FN1: variants seen among roughly 807,000 people sequenced by gnomAD.
The protein encoded by FN1 is fibronectin 1.
Under a neutral mutation model 297.3 loss-of-function variants are expected in FN1, and 106 were observed. The ratio of observed to expected loss-of-function variants is 0.36; its 90% CI spans 0.30 to 0.42. The LOEUF (loss-of-function observed/expected upper bound fraction) is 0.42, where lower values mean the gene tolerates loss of function less well. Among genes scored for constraint, FN1 ranks in the 10% least tolerant of loss-of-function variants. FN1 has a pLI of 1.00. For missense variants in FN1, 2,690 were observed against 3,124.9 expected (o/e 0.86, Z 3.32); for synonymous variants, 1,149 against 1,152.6 (o/e 1.00, Z 0.06).
In FN1 at chr2:215,361,393, T is replaced by C. The variant is rs1022234241; in HGVS notation, c.*162A>G. The C allele has an allele frequency of 1.4e-6, 1 of 734,042 alleles. No individual in the cohort carries two copies. Among genetic ancestry groups the C allele is most frequent in the African/African-American group, 1.7e-5 (1 of 57,754 alleles). 45.5% of individuals were successfully genotyped at this position (734,042 alleles called of 1,614,324 possible). The stretch of plus-strand genomic sequence containing the variant: ...AACCCTCAGGAAACTCCCAGGGTGA[T>C]GCTTGGAGAAGCTGTGAGTTGAGCT... On this transcript the variant is annotated 3_prime_UTR_variant, in exon 46 of 46. Transcript: ENST00000354785.
chr2:215,424,255 C>T lies in FN1; in HGVS notation c.1107G>A (p.Arg369=), dbSNP rs764865859. 6.2e-6 allele frequency: 10 copies of T among 1,614,058 alleles called. No individual in the cohort carries two copies. The highest frequency in any genetic ancestry group is 5.3e-5 in the African/African-American group (4 of 74,916). The change falls in exon 8 of 46, where the codon AGG becomes AGA. Residue 369 remains arginine (R), a synonymous_variant. Coordinates refer to ENST00000354785, the MANE Select transcript of FN1 (RefSeq NM_212482.4). ...PCVLPFTYNG[R]TFYSCTTEGR... is the part of the protein sequence containing the mutation. ...CTTCTGTGGTGCAGGAGTAGAACGT[C>T]CTGCCATTGTAGGTGAATGGTAAGA...
chr2:215,422,146 C>G lies in FN1; in HGVS notation c.1491G>C (p.Thr497=). The change falls in exon 10 of 46, where the codon ACG becomes ACC. Residue 497 remains threonine (T), a synonymous_variant. Transcript: ENST00000354785. ...QHDMGHMMRC[T]CVGNGRGEWT... ...ATTCCCCACGACCATTCCCAACACA[C>G]GTGCACCTCATCATGTGACCCATGT... 1.2e-6 allele frequency: 2 copies of G among 1,614,180 alleles called. No homozygotes were observed. Among genetic ancestry groups the G allele is most frequent in the Middle Eastern group, 1.6e-4 (1 of 6,062 alleles).
intron 23 of FN1, 28 bp from the exon 24 acceptor site, chr2:215,394,747 T>C (rs2060104409): frequency 1.9e-6 from 3 of 1,560,248 alleles, no homozygotes; most frequent in South Asian, 1.1e-5. Flanking sequence ...GGGAAGTTAT[T>C]GCACAGAGGA....
At chr2:215,378,039 C>G (rs536099797) in intron 35 of FN1, 136 bp downstream of exon 35, 1 of 696,828 alleles carries the variant, frequency 1.4e-6, no homozygotes, top group African/African-American at 1.7e-5. Context: ...AACTCCTGGC[C>G]TCAAGTGACG....
intron 11 of FN1, 142 bp downstream of exon 11, chr2:215,420,531 A>G: frequency 9.7e-7 from 1 of 1,025,884 alleles, no homozygotes; most frequent in Non-Finnish European, 1.5e-6. Flanking sequence ...TATTAGAGAG[A>G]AGACTTTGCA....
intron 44 of FN1, 68 bp downstream of exon 44, chr2:215,364,811 C>T: frequency 9.6e-7 from 1 of 1,041,854 alleles, no homozygotes. Context: ...GTGTGTACGA[C>T]ACATCCTTGC....
chr2:215,423,637 G>C (rs1183647897), intron 8 of FN1, 111 bp from the exon 9 acceptor site: 1 of 922,530 alleles, frequency 1.1e-6, no homozygotes, highest in Non-Finnish European at 1.7e-6. Context: ...TTCACAGACA[G>C]TCTATCTCAG....
At chr2:215,396,940 C>T (rs2060368373) in intron 23 of FN1, among the ~76,000 whole-genome samples, 197 bp downstream of exon 23, 1 of 152,172 alleles carries the variant, frequency 6.6e-6, no homozygotes, top group Non-Finnish European at 1.5e-5. Context: ...GTTCTGCTTC[C>T]TGTGATTGAA....
intron 10 of FN1, chr2:215,421,312 A>G (rs1171617912): frequency 4.7e-6 from 1 of 212,836 alleles, no homozygotes; most frequent in Non-Finnish European, 9.4e-6. Flanking sequence ...AATTAGGCCA[A>G]CTCTGTTGCT....
chr2:215,435,390 TAGA>T (rs139642338), intron 1 of FN1, among the ~76,000 whole-genome samples: 240 of 152,338 alleles, frequency 1.6e-3, no homozygotes, highest in African/African-American at 5.2e-3. Flanking sequence ...GGTTAATTCC[TAGA>T]AGGACAATCT....
Position 215,379,164 on chromosome 2 carries a change from G to A in FN1, c.5588C>T (p.Pro1863Leu). 1 of 1,614,086 alleles carries A rather than the reference G, an allele frequency of 6.2e-7. No homozygotes were observed. The highest frequency in any genetic ancestry group is 8.5e-7 in the Non-Finnish European group (1 of 1,180,000). ...TGATACAACCACGGATGAGCTGTCA[G>A]GAGCAAGGTTGATTTCTTTCATTGG... Reference protein sequence around the residue: ...TGPMKEINLAPDSSSVVVSGL... With the variant: ...TGPMKEINLALDSSSVVVSGL... Residue 1863 changes from proline to leucine, a missense_variant, in exon 34 of 46, where the codon CCT (proline) becomes CTT (leucine). Physicochemically the swap from Pro to Leu is moderately conservative, Grantham distance 98. Coordinates refer to ENST00000354785, the MANE Select transcript of FN1 (RefSeq NM_212482.4).
In FN1 at chr2:215,383,984, TAA is replaced by T. The variant is rs35639338; in HGVS notation, c.4894+34_4894+35del. On this transcript the variant is annotated intron_variant, in intron 30 of 45. Coordinates refer to ENST00000354785, the MANE Select transcript of FN1 (RefSeq NM_212482.4). ...CATTGCAAAACAGTATCTGAATAAG[TAA>T]AAGCTGGTGTCACCCCAGAGTAGAA... 421,456 of 1,606,856 alleles carry T rather than the reference TAA, an allele frequency of 0.26. 64,027 individuals carry two copies. The highest frequency in any genetic ancestry group is 0.8 in the East Asian group (36,013 of 44,798).
intron 36 of FN1, 121 bp downstream of exon 36, chr2:215,376,377 T>C: frequency 1.1e-6 from 1 of 892,398 alleles, no homozygotes; most frequent in South Asian, 1.4e-5. Context: ...GTTCTAAAAC[T>C]GGGTTATGAT....
chr2:215,395,841 A>G (rs1057286003), intron 23 of FN1, among the ~76,000 whole-genome samples: 21 of 152,240 alleles, frequency 1.4e-4, no homozygotes, highest in Admixed American at 3.3e-4. Flanking sequence ...GTGGTCATCC[A>G]TATGTGTGGG....
chr2:215,370,086 G>C lies in FN1; in HGVS notation c.6853+208C>G, dbSNP rs187657942. On this transcript the variant is annotated intron_variant, in intron 41 of 45. Transcript: ENST00000354785. ...CACCATTTGAGAGTCTGTCAATTACGTATGCATTTTGTGAAGACAACAGGA... is the reference window on the plus strand; with the variant it reads ...CACCATTTGAGAGTCTGTCAATTACCTATGCATTTTGTGAAGACAACAGGA... 1.5e-3 allele frequency among the ~76,000 whole-genome samples: 222 copies of C among 152,178 alleles called. 2 individuals are homozygous for C. Among genetic ancestry groups the C allele is most frequent in the African/African-American group, 5.2e-3 (217 of 41,516 alleles).
At chr2:215,423,217 C>T (rs530852848) in intron 9 of FN1, 133 bp downstream of exon 9, 131 of 800,052 alleles carry the variant, frequency 1.6e-4, no homozygotes, top group Non-Finnish European at 2.4e-4. Flanking sequence ...CACACAAACA[C>T]ACTTCACATG....
chr2:215,426,822 C>G (rs866869597), intron 6 of FN1, among the ~76,000 whole-genome samples: 3 of 152,044 alleles, frequency 2.0e-5, no homozygotes, highest in Non-Finnish European at 4.4e-5. Context: ...TAATTCCCAC[C>G]TACACTTTTA....
At chr2:215,433,046 A>G (rs1031011202) in intron 3 of FN1, among the ~76,000 whole-genome samples, 3 of 152,192 alleles carry the variant, frequency 2.0e-5, no homozygotes, top group Non-Finnish European at 4.4e-5. Flanking sequence ...ATGGAACCCA[A>G]GAGGTCTCTT....
At chr2:215,364,762 G>A in intron 44 of FN1, 117 bp downstream of exon 44, 1 of 724,734 alleles carries the variant, frequency 1.4e-6, no homozygotes, top group Non-Finnish European at 2.5e-6. Flanking sequence ...AACAGGAAAT[G>A]TGGTATTTTA....
Sources: allele counts gnomAD v4.1 joint callset (sites outside exome capture counted in the v4.1 genomes callset), GRCh38; gene constraint gnomAD v4.1.1; transcripts MANE v1.5; gene names NCBI Gene and HGNC (gene_info 2026-07-23, HGNC 2026-07-21).